The following KIF26B variants were observed in gnomAD, a reference collection of about 807,000 sequenced individuals.
The protein encoded by KIF26B is kinesin family member 26B.
KIF26B carries 63 observed loss-of-function variants against 151.2 expected under a neutral mutation model. That is an observed-to-expected ratio of 0.42 (90% CI 0.34 to 0.51). KIF26B has a LOEUF of 0.51. KIF26B is among the 20% of genes least tolerant of loss of function. The pLI is 0.07. For missense variants in KIF26B, 2,813 were observed against 2,913.6 expected (o/e 0.97, Z 0.79); for synonymous variants, 1,357 against 1,262.1 (o/e 1.08, Z -1.59).
At chr1:245,647,424 C>CAAAAAAAAAAAAA (rs372008159) in intron 10 of KIF26B, among the ~76,000 whole-genome samples, 1 of 96,524 alleles carries the variant, frequency 1.0e-5, no homozygotes, top group East Asian at 2.9e-4. Context: ...GACTCCTTCT[C>CAAAAAAAAAAAAA]AAAAAAAAAA....
At chr1:245,287,498 C>CTTTT (rs1334935128) in intron 2 of KIF26B, among the ~76,000 whole-genome samples, 8 of 109,318 alleles carry the variant, frequency 7.3e-5, no homozygotes, top group East Asian at 5.6e-4. Flanking sequence ...CTCTCTCTCT[C>CTTTT]TTTTTTTTTT....
At chr1:245,349,901 T>C (rs903691554) in intron 2 of KIF26B, among the ~76,000 whole-genome samples, 7 of 152,154 alleles carry the variant, frequency 4.6e-5, no homozygotes, top group Non-Finnish European at 1.0e-4. Flanking sequence ...CAGGCTTTTG[T>C]GAAAAATCAG....
At chr1:245,461,990 A>G (rs887953668) in intron 4 of KIF26B, among the ~76,000 whole-genome samples, 42 of 152,050 alleles carry the variant, frequency 2.8e-4, no homozygotes, top group African/African-American at 9.9e-4. Context: ...AAAATTAGCC[A>G]GGCATGGTGG....
intron 9 of KIF26B, among the ~76,000 whole-genome samples, chr1:245,635,834 T>TA (rs200894226): frequency 0.015 from 2,343 of 152,302 alleles, 28 homozygotes; most frequent in Middle Eastern, 0.048. Flanking sequence ...TTTTCATTTC[T>TA]ATTCACTTAA....
chr1:245,313,476 C>T (rs931420131), intron 2 of KIF26B, among the ~76,000 whole-genome samples: 1 of 152,200 alleles, frequency 6.6e-6, no homozygotes, highest in Admixed American at 6.5e-5. Context: ...ATTGTGCAGC[C>T]CTGCCCGATG....
At chr1:245,422,347 A>G (rs1017441674) in intron 4 of KIF26B, among the ~76,000 whole-genome samples, 1 of 152,004 alleles carries the variant, frequency 6.6e-6, no homozygotes, top group Non-Finnish European at 1.5e-5. Context: ...GATGAGAACT[A>G]TTATTAGCTG....
rs1314647483 is a variant in KIF26B, at chr1:245,503,390, GTTT to G, written c.1167-37374_1167-37372del. ...CCTGTATATACCACATGCCAAATGA[GTTT>G]TTAAGATATTGGCATGTCCCAAATT... is the stretch of plus-strand genomic sequence containing the variant. On this transcript the variant is annotated intron_variant, in intron 4 of 14. Transcript: ENST00000407071. 4.6e-5 allele frequency among the ~76,000 whole-genome samples: 7 copies of G among 152,172 alleles called. No individual in the cohort carries two copies. In the East Asian group the frequency reaches 1.3e-3, roughly 29 times the overall value.
chr1:245,547,652 C>T (rs1358484487), intron 5 of KIF26B, among the ~76,000 whole-genome samples: 1 of 149,128 alleles, frequency 6.7e-6, no homozygotes, highest in Non-Finnish European at 1.5e-5. Context: ...ACCTTTAATT[C>T]TGCTGATGAG....
chr1:245,386,098 A>G lies in KIF26B; in HGVS notation c.999+18731A>G, dbSNP rs192518419. ...TCTACTAAAAATACAAAAATTAGCC[A>G]GGCATCGTGGCACACACCTGTAATC... On this transcript the variant is annotated intron_variant, in intron 3 of 14. Transcript: ENST00000407071. 1.6e-3 allele frequency among the ~76,000 whole-genome samples: 238 copies of G among 152,154 alleles called. 1 individual carries two copies. The highest frequency in any genetic ancestry group is 5.6e-3 in the African/African-American group (233 of 41,518).
At position 245,705,332 on chromosome 1, in the gene KIF26B, A is replaced by G. The variant is rs2044827035; in HGVS notation, c.*2726A>G. On this transcript the variant is annotated 3_prime_UTR_variant, in exon 15 of 15. Transcript: ENST00000407071. ...CATGTTAATTTACCAATATTGATAA[A>G]CCACATGAAGAAATCAGGCATTTTA... 6.6e-6 allele frequency: 1 copy of G among 152,094 alleles called. No homozygotes were observed. Among genetic ancestry groups the G allele is most frequent in the African/African-American group, 2.4e-5 (1 of 41,388 alleles). The allele number at this position is 152,094 out of a possible 1,614,324, so 9.4% of individuals were successfully genotyped here. A position where few individuals can be genotyped will look rare whatever the true frequency, so the allele number is the denominator to read the frequency against.
intron 2 of KIF26B, among the ~76,000 whole-genome samples, chr1:245,162,467 C>G (rs1416369761): frequency 7.2e-6 from 1 of 138,204 alleles, no homozygotes; most frequent in Non-Finnish European, 1.5e-5. Flanking sequence ...CTCACTGCAA[C>G]CTCTGCCTCC....
chr1:245,652,081 C>T (rs975510036), intron 10 of KIF26B, among the ~76,000 whole-genome samples: 5 of 147,440 alleles, frequency 3.4e-5, no homozygotes, highest in Non-Finnish European at 3.0e-5. Context: ...TAGCATGAAA[C>T]GGAGAGGTTC....
chr1:245,292,805 G>A (rs893179438), intron 2 of KIF26B, among the ~76,000 whole-genome samples: 1 of 152,044 alleles, frequency 6.6e-6, no homozygotes, highest in African/African-American at 2.4e-5. Flanking sequence ...CCTTCCCTCG[G>A]TTCTCGCTGG....
chr1:245,569,831 A>T (rs1218372154), intron 5 of KIF26B, among the ~76,000 whole-genome samples: 1 of 141,726 alleles, frequency 7.1e-6, no homozygotes, highest in African/African-American at 2.7e-5. Flanking sequence ...TGATGATCCA[A>T]TATAGTTCTT....
At chr1:245,304,190 G>C (rs926875922) in intron 2 of KIF26B, among the ~76,000 whole-genome samples, 3 of 152,216 alleles carry the variant, frequency 2.0e-5, no homozygotes, top group Admixed American at 2.0e-4. Flanking sequence ...TGGGATTTCA[G>C]ATGGATTCCA....
At chr1:245,258,638 C>T (rs1327334994) in intron 2 of KIF26B, among the ~76,000 whole-genome samples, 1 of 152,154 alleles carries the variant, frequency 6.6e-6, no homozygotes, top group African/African-American at 2.4e-5. Flanking sequence ...GGAGCTGTGG[C>T]GTCTCATTCC....
intron 3 of KIF26B, chr1:245,371,499 G>A (rs1236704467): frequency 2.0e-5 from 3 of 152,088 alleles, no homozygotes; most frequent in South Asian, 2.1e-4. Flanking sequence ...CCAAGGGTGC[G>A]GCTCCACACC....
At chr1:245,674,385 T>G (rs1183038972) in intron 10 of KIF26B, among the ~76,000 whole-genome samples, 1 of 151,702 alleles carries the variant, frequency 6.6e-6, no homozygotes, top group Non-Finnish European at 1.5e-5. Context: ...ATAAACATCA[T>G]TATTCCTAAT....
At chr1:245,407,466 C>G (rs1393590902) in intron 3 of KIF26B, among the ~76,000 whole-genome samples, 1 of 152,116 alleles carries the variant, frequency 6.6e-6, no homozygotes, top group Non-Finnish European at 1.5e-5. Context: ...TCCCATTTCT[C>G]TCTTTTTCTT....
Sources: gnomAD v4.1 joint callset for allele counts (sites outside exome capture counted in the v4.1 genomes callset) on GRCh38, gnomAD v4.1.1 for gene constraint, MANE v1.5 for transcripts, NCBI Gene and HGNC (gene_info 2026-07-23, HGNC 2026-07-21) for gene names.